PALM2AKAP2: variants seen among roughly 807,000 people sequenced by gnomAD.
PALM2AKAP2 encodes PALM2 and AKAP2 fusion, also known as PALM2-AKAP2 fusion protein.
PALM2AKAP2 carries 37 observed loss-of-function variants against 71.5 expected under a neutral mutation model. The ratio of observed to expected loss-of-function variants is 0.52; its 90% CI spans 0.40 to 0.68. The LOEUF is 0.68. PALM2AKAP2 is among the 30% of genes least tolerant of loss of function. The pLI, the probability that PALM2AKAP2 is intolerant of heterozygous loss-of-function variation, is 0.00. For missense variants in PALM2AKAP2, 1,224 were observed against 1,191.8 expected, an observed-to-expected ratio of 1.03 and a Z score of -0.40; for synonymous variants, 468 against 478.8, an observed-to-expected ratio of 0.98 and a Z score of 0.29.
At chr9:109,888,209 C>T (rs1043237435) in intron 3 of PALM2AKAP2, among the ~76,000 whole-genome samples, 8 of 152,168 alleles carry the variant, frequency 5.3e-5, no homozygotes, top group African/African-American at 7.2e-5. Context: ...ACTAGAAAGC[C>T]GGACCTCAGA....
chr9:109,854,088 A>T (rs1046264021), intron 1 of PALM2AKAP2, among the ~76,000 whole-genome samples: 1 of 152,176 alleles, frequency 6.6e-6, no homozygotes, highest in Non-Finnish European at 1.5e-5. Flanking sequence ...CTTATCCTAA[A>T]GTACGTCTTT....
intron 6 of PALM2AKAP2, among the ~76,000 whole-genome samples, chr9:109,987,324 T>C (rs1832397493): frequency 6.6e-6 from 1 of 151,910 alleles, no homozygotes; most frequent in Non-Finnish European, 1.5e-5. Context: ...AGAGAGGGGG[T>C]TTCACCATAT....
chr9:109,811,851 G>C (rs1210887447), intron 1 of PALM2AKAP2, among the ~76,000 whole-genome samples: 1 of 152,216 alleles, frequency 6.6e-6, no homozygotes, highest in Admixed American at 6.5e-5. Flanking sequence ...GAGATTATAG[G>C]CATGAGCCAC....
At chr9:109,641,480 G>T (rs1378912416) in intron 1 of PALM2AKAP2, among the ~76,000 whole-genome samples, 1 of 152,248 alleles carries the variant, frequency 6.6e-6, no homozygotes, top group African/African-American at 2.4e-5. Flanking sequence ...CGTGAATACG[G>T]CATGGATGGG....
At chr9:109,677,584 C>T (rs991539798) in intron 1 of PALM2AKAP2, among the ~76,000 whole-genome samples, 4 of 151,460 alleles carry the variant, frequency 2.6e-5, no homozygotes, top group African/African-American at 9.7e-5. Flanking sequence ...AGGAGAATCA[C>T]TTGAACCCAG....
At chr9:109,704,638 C>T (rs1828114061) in intron 1 of PALM2AKAP2, among the ~76,000 whole-genome samples, 1 of 152,024 alleles carries the variant, frequency 6.6e-6, no homozygotes, top group Admixed American at 6.6e-5. Flanking sequence ...CTGTCCTTCC[C>T]CTCTTCTCAG....
chr9:109,939,590 C>G (rs1298519641), intron 6 of PALM2AKAP2, among the ~76,000 whole-genome samples: 1 of 152,100 alleles, frequency 6.6e-6, no homozygotes, highest in Non-Finnish European at 1.5e-5. Flanking sequence ...TAACTGTGTC[C>G]CATGAGTGTG....
At chr9:110,077,505 AC>A (rs959806956) in intron 1 of PALM2AKAP2, among the ~76,000 whole-genome samples, 3 of 152,150 alleles carry the variant, frequency 2.0e-5, no homozygotes, top group African/African-American at 7.2e-5. Context: ...TGTCAGGTAA[AC>A]GGTGAGGCTG....
upstream of PALM2AKAP2, among the ~76,000 whole-genome samples, chr9:110,045,594 GTC>G (rs1564276365): frequency 6.6e-6 from 1 of 151,654 alleles, no homozygotes; most frequent in Non-Finnish European, 1.5e-5. Context: ...TTTTGATGCA[GTC>G]TCTCTCTGTC....
chr9:109,984,696 CTTTT>C (rs35425431), intron 6 of PALM2AKAP2, among the ~76,000 whole-genome samples: 1 of 136,692 alleles, frequency 7.3e-6, no homozygotes, highest in African/African-American at 2.7e-5. Flanking sequence ...AGCTCTATAA[CTTTT>C]TTTTTTTTTT....
intron 1 of PALM2AKAP2, among the ~76,000 whole-genome samples, chr9:110,126,898 A>G (rs924889642): frequency 1.3e-5 from 2 of 152,220 alleles, no homozygotes; most frequent in Non-Finnish European, 2.9e-5. Flanking sequence ...GATTGTTCAT[A>G]GGCTAAGCTA....
intron 7 of PALM2AKAP2, among the ~76,000 whole-genome samples, chr9:110,035,879 A>G (rs1386136368): frequency 6.7e-6 from 1 of 149,452 alleles, no homozygotes; most frequent in Non-Finnish European, 1.5e-5. Context: ...TATAACATAT[A>G]TGATATGTTG....
chr9:109,976,287 C>T (rs1244543034), intron 6 of PALM2AKAP2, among the ~76,000 whole-genome samples: 5 of 152,210 alleles, frequency 3.3e-5, no homozygotes, highest in Non-Finnish European at 7.3e-5. Flanking sequence ...CTCACTTAAT[C>T]CCCACAACAA....
At chr9:110,023,921 G>T (rs903953995) in intron 7 of PALM2AKAP2, among the ~76,000 whole-genome samples, 2 of 152,014 alleles carry the variant, frequency 1.3e-5, no homozygotes, top group African/African-American at 4.8e-5. Flanking sequence ...TGAGCCCAGG[G>T]AGATTGAGGC....
intron 6 of PALM2AKAP2, among the ~76,000 whole-genome samples, chr9:109,951,958 A>G (rs1831651655): frequency 6.6e-6 from 1 of 152,240 alleles, no homozygotes; most frequent in African/African-American, 2.4e-5. Context: ...CCCTTAGGCT[A>G]AGTGACAGGG....
intron 1 of PALM2AKAP2, among the ~76,000 whole-genome samples, chr9:109,712,830 C>G (rs1828261994): frequency 6.6e-6 from 1 of 152,236 alleles, no homozygotes. Flanking sequence ...AAGCTCACTA[C>G]TTCCCCAAGG....
At chr9:109,855,504 G>A (rs562392699) in intron 1 of PALM2AKAP2, among the ~76,000 whole-genome samples, 1 of 152,346 alleles carries the variant, frequency 6.6e-6, no homozygotes, top group South Asian at 2.1e-4. Flanking sequence ...ATGAATGAGA[G>A]ACATGGTCTC....
intron 1 of PALM2AKAP2, among the ~76,000 whole-genome samples, chr9:109,666,138 G>A (rs113282027): frequency 0.014 from 2,068 of 152,286 alleles, 19 homozygotes; most frequent in Middle Eastern, 0.068. Flanking sequence ...GACTCCTTGA[G>A]CTTCCCTGGT....
intron 7 of PALM2AKAP2, among the ~76,000 whole-genome samples, chr9:110,037,250 G>C (rs960738195): frequency 2.0e-5 from 3 of 151,716 alleles, no homozygotes; most frequent in Admixed American, 2.0e-4. Context: ...GCCCAGGCTG[G>C]AGTGCAATGG....
Sources: gnomAD v4.1 joint callset for allele counts (sites outside exome capture counted in the v4.1 genomes callset) on GRCh38, gnomAD v4.1.1 for gene constraint, MANE v1.5 for transcripts, NCBI Gene and HGNC (gene_info 2026-07-23, HGNC 2026-07-21) for gene names.